WDR59: variants seen among roughly 807,000 people sequenced by gnomAD.
WDR59 encodes GATOR2 complex protein WDR59.
WDR59 carries 100 observed loss-of-function variants against 131.2 expected under a neutral mutation model. The ratio of observed to expected loss-of-function variants is 0.76; its 90% CI spans 0.65 to 0.90. The LOEUF (loss-of-function observed/expected upper bound fraction) is 0.90. WDR59 is among the 40% of genes least tolerant of loss of function. WDR59 has a pLI of 0.00. For synonymous variants in WDR59, 601 were observed against 466.2 expected (o/e 1.29, Z -3.72); for missense variants, 1,203 against 1,262.2 (o/e 0.95, Z 0.71).
rs768510626 is a variant in WDR59 at position 74,909,616 on chromosome 16, G to C, written c.1527C>G (p.Pro509=). The C allele has an allele frequency of 6.2e-7, 1 of 1,602,556 alleles. No homozygotes were observed. Among genetic ancestry groups the C allele is most frequent in the East Asian group, 2.2e-5 (1 of 44,726 alleles). ...DSASSNPFAL[P]NSVTPPLPTF... is the part of the protein sequence containing the mutation. ...TCGGTAAGGGGGGAGTGACAGAGTTGGGGAGTGCAAACGGGTTGCTGGAAG... is the reference window on the plus strand; with the variant it reads ...TCGGTAAGGGGGGAGTGACAGAGTTCGGGAGTGCAAACGGGTTGCTGGAAG... The change falls in exon 16 of 26, where the codon CCC becomes CCG. Residue 509 remains proline, a synonymous_variant. Coordinates refer to ENST00000262144, the MANE Select transcript of WDR59 (RefSeq NM_030581.4).
intron 18 of WDR59, 72 bp downstream of exon 18, chr16:74,903,875 G>T: frequency 6.6e-7 from 1 of 1,516,572 alleles, no homozygotes; most frequent in South Asian, 1.2e-5. Flanking sequence ...TAGCTGCTGC[G>T]CCAGGCAGGA....
intron 14 of WDR59, among the ~76,000 whole-genome samples, chr16:74,910,947 C>G (rs1194265682): frequency 1.3e-5 from 2 of 152,106 alleles, no homozygotes; most frequent in African/African-American, 4.8e-5. Flanking sequence ...CACTACAACC[C>G]CCACCTCCTG....
At chr16:74,921,278 A>G (rs1168387808) in intron 10 of WDR59, among the ~76,000 whole-genome samples, 1 of 151,690 alleles carries the variant, frequency 6.6e-6, no homozygotes, top group Non-Finnish European at 1.5e-5. Context: ...CCCAGTCTTT[A>G]TTATTCCCCT....
In WDR59 at chr16:74,897,379, A is replaced by G. The variant is rs142312829; in HGVS notation, c.1867-3567T>C. 7.7e-4 allele frequency among the ~76,000 whole-genome samples: 117 copies of G among 152,322 alleles called. 1 individual carries two copies. Among genetic ancestry groups the G allele is most frequent in the African/African-American group, 2.6e-3 (110 of 41,566 alleles). ...AGAAGAAAACTAAGAGTCTAAAGAG[A>G]TGTCTTAGGGACTCTTCCCCCATTT... On this transcript the variant is annotated intron_variant, in intron 18 of 25. Coordinates refer to ENST00000262144, the MANE Select transcript of WDR59 (RefSeq NM_030581.4).
chr16:74,885,940 G>GCTGA (rs536911231), intron 24 of WDR59, 145 bp from the exon 25 acceptor site: 29 of 995,194 alleles, frequency 2.9e-5, no homozygotes, highest in Non-Finnish European at 4.2e-5. Context: ...ACTTTGGGAG[G>GCTGA]CTGAGGCGGG....
chr16:74,926,049 A>T (rs1027681415), intron 8 of WDR59, among the ~76,000 whole-genome samples: 4 of 141,612 alleles, frequency 2.8e-5, no homozygotes, highest in Admixed American at 7.9e-5. Flanking sequence ...ACAGTGAAAA[A>T]GTCTAATAAA....
intron 6 of WDR59, among the ~76,000 whole-genome samples, chr16:74,947,151 G>C (rs1242502832): frequency 6.6e-6 from 1 of 152,138 alleles, no homozygotes; most frequent in Non-Finnish European, 1.5e-5. Flanking sequence ...GTTCATCCAT[G>C]TTAAACAACA....
intron 17 of WDR59, among the ~76,000 whole-genome samples, chr16:74,906,320 A>AAAAAAAAAAAAAAAAAAAC (rs765077670): frequency 2.2e-5 from 3 of 136,280 alleles, no homozygotes; most frequent in African/African-American, 7.9e-5. Flanking sequence ...TCTCAAAAAA[A>AAAAAAAAAAAAAAAAAAAC]AAAAAACCCA....
chr16:74,875,075 C>G (rs2144741269), intron 25 of WDR59, among the ~76,000 whole-genome samples: 1 of 152,318 alleles, frequency 6.6e-6, no homozygotes, highest in East Asian at 1.9e-4. Flanking sequence ...AGGTGTTGAA[C>G]AGGTATCAGC....
chr16:74,975,639 G>A (rs1339996469), intron 1 of WDR59, among the ~76,000 whole-genome samples: 1 of 150,996 alleles, frequency 6.6e-6, no homozygotes, highest in African/African-American at 2.4e-5. Flanking sequence ...ACTCCAGTCT[G>A]GGCAACAAGA....
chr16:74,885,181 C>T (rs752675408), intron 25 of WDR59, among the ~76,000 whole-genome samples: 9 of 151,978 alleles, frequency 5.9e-5, no homozygotes, highest in Non-Finnish European at 1.0e-4. Flanking sequence ...GGGCATGCGC[C>T]ATGGCTCACA....
At chr16:74,957,950 A>C (rs372112712) in intron 2 of WDR59, among the ~76,000 whole-genome samples, 1 of 152,216 alleles carries the variant, frequency 6.6e-6, no homozygotes, top group African/African-American at 2.4e-5. Flanking sequence ...ACTTCTAAGA[A>C]AGTGCAGAAC....
chr16:74,922,566 G>GC (rs532021718), intron 9 of WDR59, among the ~76,000 whole-genome samples: 15 of 151,948 alleles, frequency 9.9e-5, no homozygotes, highest in Middle Eastern at 3.4e-3. Context: ...TCACCTTCCC[G>GC]CCCCCCCGGC....
chr16:74,916,797 T>A (rs1451889879), intron 11 of WDR59, among the ~76,000 whole-genome samples: 1 of 149,840 alleles, frequency 6.7e-6, no homozygotes, highest in African/African-American at 2.5e-5. Flanking sequence ...AGGCAGAGGT[T>A]GCAGTGAGCA....
At chr16:74,887,646 A>G (rs779073434) in intron 23 of WDR59, 37 bp downstream of exon 23, 15 of 1,605,046 alleles carry the variant, frequency 9.3e-6, no homozygotes, top group Non-Finnish European at 1.2e-5. Flanking sequence ...TGGGAGAACT[A>G]AAAATCCAGC....
chr16:74,931,354 G>C (rs1439438345), intron 8 of WDR59, among the ~76,000 whole-genome samples: 1 of 151,394 alleles, frequency 6.6e-6, no homozygotes, highest in Non-Finnish European at 1.5e-5. Context: ...TTTCTTTTTT[G>C]AGAGATGGTA....
chr16:74,881,488 A>C (rs1335045239), intron 25 of WDR59, among the ~76,000 whole-genome samples: 1 of 151,950 alleles, frequency 6.6e-6, no homozygotes, highest in African/African-American at 2.4e-5. Context: ...AGCTGCACCT[A>C]GCCTATACTT....
chr16:74,928,628 G>A (rs972945941), intron 8 of WDR59, among the ~76,000 whole-genome samples: 1 of 152,144 alleles, frequency 6.6e-6, no homozygotes, highest in African/African-American at 2.4e-5. Context: ...TGAAATGGGT[G>A]CACTGGCTCA....
rs569194559 is a variant in WDR59 at position 74,877,443 on chromosome 16, G to GT, written c.2690-3000dup. Among the ~76,000 whole-genome samples the GT allele has an allele frequency of 2.3e-3, 357 of 152,234 alleles. 1 individual carries two copies. The highest frequency in any genetic ancestry group is 7.4e-3 in the African/African-American group (307 of 41,540). ...ACTTGACAGCTGGTTAATTTTTGGTGTTTTTTGTCATGCTTTTGAATCACA... is the reference window on the plus strand; with the variant it reads ...ACTTGACAGCTGGTTAATTTTTGGTGTTTTTTTGTCATGCTTTTGAATCACA... On this transcript the variant is annotated intron_variant, in intron 25 of 25. Coordinates refer to ENST00000262144, the MANE Select transcript of WDR59 (RefSeq NM_030581.4).
Sources: gnomAD v4.1 joint callset for allele counts (sites outside exome capture counted in the v4.1 genomes callset) on GRCh38, gnomAD v4.1.1 for gene constraint, MANE v1.5 for transcripts, NCBI Gene and HGNC (gene_info 2026-07-23, HGNC 2026-07-21) for gene names.